DCTD: variants seen among roughly 807,000 people sequenced by gnomAD.
DCTD encodes deoxycytidylate deaminase.
In DCTD, 23 loss-of-function variants were observed where a neutral mutation model predicts 21.0. The observed-to-expected ratio is 1.09, with a 90% CI of 0.79 to 1.55. DCTD has a LOEUF of 1.55. DCTD is among the 40% of genes most tolerant of loss of function. The probability of loss-of-function intolerance (pLI) is 0.00; values close to 1 mark genes in which losing one functional copy is unlikely to be tolerated. For synonymous variants in DCTD, 71 were observed against 81.1 expected (o/e 0.88, Z 0.67); for missense variants, 224 against 230.0 (o/e 0.97, Z 0.17).
Position 182,905,564 on chromosome 4 carries a change from T to A in DCTD, c.244+9359A>T, listed in dbSNP as rs923559483. On this transcript the variant is annotated intron_variant, in intron 3 of 5. Transcript: ENST00000438320. ...GGATGGTCTCGATCTCTTGACCTCA[T>A]GATCTCCCCGCCTCGGCCTCCCAAA... 5.3e-5 allele frequency among the ~76,000 whole-genome samples: 8 copies of A among 152,170 alleles called. No homozygotes were observed. The East Asian group carries it at 1.4e-3, about 26-fold the overall frequency.
At chr4:182,910,111 G>A (rs1040794105) in intron 3 of DCTD, among the ~76,000 whole-genome samples, 3 of 152,068 alleles carry the variant, frequency 2.0e-5, no homozygotes, top group South Asian at 2.1e-4. Flanking sequence ...GAGATGCTAC[G>A]GTTCCCTCCC....
chr4:182,914,530 C>G (rs1238758527), intron 3 of DCTD, among the ~76,000 whole-genome samples: 1 of 152,254 alleles, frequency 6.6e-6, no homozygotes, highest in East Asian at 1.9e-4. Flanking sequence ...TTAGCCGACC[C>G]TGCTTCCAAG....
At chr4:182,911,639 A>G (rs140356334) in intron 3 of DCTD, 3 of 152,328 alleles carry the variant, frequency 2.0e-5, no homozygotes, top group African/African-American at 7.2e-5. Flanking sequence ...GTGTGACATT[A>G]TAGAAGTTAC....
Position 182,892,453 on chromosome 4 carries a change from G to GTCAACAGATCAAGA in DCTD, c.458+577_458+578insTCTTGATCTGTTGA, listed in dbSNP as rs545486066. ...GAGGCTGAGGCAGGCAGCTCATGAG[G>GTCAACAGATCAAGA]TCATCCTGGCCAACATGGTGAAACC... On this transcript the variant is annotated intron_variant, in intron 5 of 5. Coordinates refer to ENST00000438320, the MANE Select transcript of DCTD (RefSeq NM_001921.3). Among the ~76,000 whole-genome samples, 59 of 152,066 alleles carry GTCAACAGATCAAGA rather than the reference G, an allele frequency of 3.9e-4. 2 individuals are homozygous for GTCAACAGATCAAGA. In the South Asian group the frequency reaches 0.012, roughly 31 times the overall value.
chr4:182,905,477 C>T (rs1736532301), intron 3 of DCTD, among the ~76,000 whole-genome samples: 1 of 152,014 alleles, frequency 6.6e-6, no homozygotes, highest in Non-Finnish European at 1.5e-5. Flanking sequence ...TACAGGCACG[C>T]ACCAACACGC....
chr4:182,899,144 G>C (rs998678991), intron 3 of DCTD, among the ~76,000 whole-genome samples: 3 of 152,168 alleles, frequency 2.0e-5, no homozygotes, highest in African/African-American at 7.2e-5. Context: ...GACCTGATGA[G>C]AGCCAGCTCC....
intron 3 of DCTD, among the ~76,000 whole-genome samples, chr4:182,900,905 T>G (rs529394813): frequency 6.6e-6 from 1 of 151,988 alleles, no homozygotes; most frequent in South Asian, 2.1e-4. Context: ...AATTCAGAAC[T>G]GCATTAACCT....
chr4:182,895,007 G>A (rs1734487624), intron 3 of DCTD, among the ~76,000 whole-genome samples: 1 of 152,248 alleles, frequency 6.6e-6, no homozygotes, highest in African/African-American at 2.4e-5. Context: ...GAATCAACAA[G>A]TGACGAAGCT....
chr4:182,891,849 CA>C (rs991596172), intron 5 of DCTD, among the ~76,000 whole-genome samples: 2 of 150,202 alleles, frequency 1.3e-5, no homozygotes, highest in African/African-American at 4.9e-5. Context: ...CTCTCTAATG[CA>C]AAAAAATAGT....
chr4:182,908,006 T>C (rs977921297), intron 3 of DCTD, among the ~76,000 whole-genome samples: 2 of 151,594 alleles, frequency 1.3e-5, no homozygotes, highest in Non-Finnish European at 2.9e-5. Context: ...CTAATGTGTG[T>C]ATTACAGACA....
chr4:182,904,118 A>G (rs1212860043), intron 3 of DCTD, among the ~76,000 whole-genome samples: 4 of 151,930 alleles, frequency 2.6e-5, no homozygotes, highest in African/African-American at 9.7e-5. Flanking sequence ...GCCTCTTGCT[A>G]AAGCTGCGGA....
intron 3 of DCTD, among the ~76,000 whole-genome samples, chr4:182,907,910 G>C (rs1264049925): frequency 2.0e-5 from 3 of 152,094 alleles, no homozygotes; most frequent in Non-Finnish European, 2.9e-5. Flanking sequence ...ACCAAACCTG[G>C]AACCCTTGGC....
intron 1 of DCTD, among the ~76,000 whole-genome samples, chr4:182,916,052 T>C (rs1229109333): frequency 1.3e-5 from 2 of 152,110 alleles, no homozygotes; most frequent in African/African-American, 4.8e-5. Context: ...CTCAGAGAAC[T>C]TAGGTAACTT....
chr4:182,914,847 C>T, intron 3 of DCTD, 76 bp downstream of exon 3: 10 of 1,559,462 alleles, frequency 6.4e-6, no homozygotes, highest in Non-Finnish European at 7.9e-6. Context: ...GAGATGATGC[C>T]TTCTGACCAA....
intron 3 of DCTD, among the ~76,000 whole-genome samples, chr4:182,896,649 G>T (rs1183094737): frequency 6.6e-6 from 1 of 152,190 alleles, no homozygotes; most frequent in Non-Finnish European, 1.5e-5. Flanking sequence ...CCACATGTGC[G>T]CTGGCCTTGG....
intron 3 of DCTD, among the ~76,000 whole-genome samples, chr4:182,899,561 C>G (rs1735358494): frequency 6.6e-6 from 1 of 151,998 alleles, no homozygotes; most frequent in African/African-American, 2.4e-5. Flanking sequence ...TCACCATGCC[C>G]AGCTAATTCT....
intron 3 of DCTD, among the ~76,000 whole-genome samples, chr4:182,907,352 G>A (rs1736909048): frequency 6.6e-6 from 1 of 152,164 alleles, no homozygotes; most frequent in Non-Finnish European, 1.5e-5. Context: ...TGCCCAGGCT[G>A]GTCTTGAACT....
At chr4:182,909,320 C>T (rs1216508472) in intron 3 of DCTD, among the ~76,000 whole-genome samples, 2 of 152,098 alleles carry the variant, frequency 1.3e-5, no homozygotes, top group Non-Finnish European at 2.9e-5. Context: ...TGGTGTGTCC[C>T]TCTGTTTATC....
chr4:182,915,424 G>T, intron 2 of DCTD, 37 bp downstream of exon 2: 1 of 1,323,990 alleles, frequency 7.6e-7, no homozygotes, highest in Non-Finnish European at 1.1e-6. Context: ...CTCTTTGCCT[G>T]TGAGTATCTA....
Sources: gnomAD v4.1 joint callset for allele counts (sites outside exome capture counted in the v4.1 genomes callset) on GRCh38, gnomAD v4.1.1 for gene constraint, MANE v1.5 for transcripts, NCBI Gene and HGNC (gene_info 2026-07-23, HGNC 2026-07-21) for gene names.